The following HTR2C variants were observed in gnomAD, a reference collection of about 807,000 sequenced individuals.
HTR2C encodes 5-hydroxytryptamine (serotonin) receptor 2C, G protein-coupled.
Under a neutral mutation model 21.0 loss-of-function variants are expected in HTR2C, and 5 were observed. The observed-to-expected ratio is 0.24, with a 90% CI of 0.12 to 0.50. HTR2C has a LOEUF of 0.50. Ranked by LOEUF, HTR2C falls within the 20% of genes least tolerant of loss-of-function variation. The pLI is 0.98. For synonymous variants in HTR2C, 150 were observed against 145.3 expected, an observed-to-expected ratio of 1.03 and a Z score of -0.23; for missense variants, 271 against 371.2, an observed-to-expected ratio of 0.73 and a Z score of 2.22.
chrX:114,825,969 G>A (rs782061564), intron 4 of HTR2C, among the ~76,000 whole-genome samples: 1 of 111,187 alleles, frequency 9.0e-6, no homozygotes, highest in Admixed American at 9.6e-5. Context: ...AAAAATTCTA[G>A]CATTTGTTTA....
At chrX:114,721,959 C>G (rs1305667897) in intron 2 of HTR2C, among the ~76,000 whole-genome samples, 1 of 107,112 alleles carries the variant, frequency 9.3e-6, no homozygotes, top group Non-Finnish European at 1.9e-5. Context: ...TGTGATGCCT[C>G]CAGCTTTGTT....
chrX:114,612,699 G>T (rs2147804754), intron 1 of HTR2C, among the ~76,000 whole-genome samples: 1 of 111,486 alleles, frequency 9.0e-6, no homozygotes, highest in South Asian at 3.8e-4. Flanking sequence ...GATTCATTTA[G>T]AATTCTTAAC....
chrX:114,669,618 C>T lies in HTR2C; in HGVS notation c.-80+55737C>T, dbSNP rs181286197. ...GCTGAGGCAGGAAAATCACTTGGAC[C>T]AGGGAGTCCGAGGTTGCAGTGAGCC... On this transcript the variant is annotated intron_variant, in intron 2 of 5. Coordinates refer to ENST00000276198, the MANE Select transcript of HTR2C (RefSeq NM_000868.4). 2.9e-3 allele frequency among the ~76,000 whole-genome samples: 320 copies of T among 111,459 alleles called. 2 individuals carry two copies. The highest frequency in any genetic ancestry group is 1.0e-2 in the African/African-American group (306 of 30,725).
intron 5 of HTR2C, among the ~76,000 whole-genome samples, chrX:114,887,226 T>G (rs1179981694): frequency 1.8e-5 from 2 of 111,583 alleles, no homozygotes; most frequent in Admixed American, 9.5e-5. Flanking sequence ...AGGTATTTTT[T>G]TGTGTGAAGT....
chrX:114,653,417 T>C (rs191931839), intron 2 of HTR2C, among the ~76,000 whole-genome samples: 2 of 110,603 alleles, frequency 1.8e-5, no homozygotes, highest in Admixed American at 1.9e-4. Flanking sequence ...TGAGGAGTAG[T>C]TGGTATCAGG....
intron 2 of HTR2C, among the ~76,000 whole-genome samples, chrX:114,686,858 ATAAAT>A (rs781909170): frequency 7.6e-4 from 85 of 111,535 alleles, no homozygotes; most frequent in African/African-American, 2.5e-3. Context: ...TAAGAACAAA[ATAAAT>A]TAAATAATAC....
chrX:114,677,531 A>G (rs1556412951), intron 2 of HTR2C, among the ~76,000 whole-genome samples: 2 of 111,701 alleles, frequency 1.8e-5, no homozygotes, highest in Non-Finnish European at 3.8e-5. Context: ...CCACGGTACA[A>G]TGAAACAGTA....
chrX:114,791,257 G>A (rs782179966), intron 4 of HTR2C, among the ~76,000 whole-genome samples: 4 of 112,278 alleles, frequency 3.6e-5, no homozygotes, highest in Non-Finnish European at 5.6e-5. Context: ...GTTCTGGTAC[G>A]TTAATCTGAA....
chrX:114,875,649 G>A (rs1270145980), intron 5 of HTR2C, among the ~76,000 whole-genome samples: 2 of 110,760 alleles, frequency 1.8e-5, no homozygotes, highest in African/African-American at 6.5e-5. Flanking sequence ...GTTTATTGAA[G>A]AGAGAACCCT....
At chrX:114,657,439 C>T (rs1930822828) in intron 2 of HTR2C, among the ~76,000 whole-genome samples, 1 of 110,811 alleles carries the variant, frequency 9.0e-6, no homozygotes, top group African/African-American at 3.3e-5. Context: ...TGAAAATTTT[C>T]CTCTTTATAA....
chrX:114,588,254 C>A (rs1421891690), intron 1 of HTR2C, among the ~76,000 whole-genome samples: 4 of 112,016 alleles, frequency 3.6e-5, no homozygotes. Flanking sequence ...AAATTAGTAG[C>A]CTTCATGGTT....
chrX:114,690,396 GAAACTA>G (rs1932070887), intron 2 of HTR2C, among the ~76,000 whole-genome samples: 1 of 111,456 alleles, frequency 9.0e-6, no homozygotes, highest in Non-Finnish European at 1.9e-5. Flanking sequence ...CTTTTGAAAA[GAAACTA>G]AAACTAACAC....
chrX:114,848,067 A>G lies in HTR2C; in HGVS notation c.414A>G (p.Ser138=). 2 of 1,209,803 alleles carry G rather than the reference A, an allele frequency of 1.7e-6. No individual in the cohort carries two copies. The highest frequency in any genetic ancestry group is 2.2e-6 in the Non-Finnish European group (2 of 893,684). The change falls in exon 5 of 6, where the codon TCA becomes TCG. Residue 138 remains serine (S), a synonymous_variant. Transcript: ENST00000276198. ...PVWISLDVLF[S]TASIMHLCAI... Reference sequence around the variant, plus strand: ...GGATTTCTTTAGATGTTTTATTTTCAACAGCGTCCATCATGCACCTCTGCG... The same window carrying G: ...GGATTTCTTTAGATGTTTTATTTTCGACAGCGTCCATCATGCACCTCTGCG...
chrX:114,886,115 T>C (rs2071218518), intron 5 of HTR2C, among the ~76,000 whole-genome samples: 1 of 111,494 alleles, frequency 9.0e-6, no homozygotes. Flanking sequence ...TTGTCTTTAG[T>C]AAATTTTTGT....
Position 114,906,941 on chromosome X carries a change from G to A in HTR2C, c.903G>A (p.Gln301=). Residue 301 remains glutamine, a synonymous_variant, in exon 6 of 6, where the codon CAG becomes CAA. Transcript: ENST00000276198. ...KKERRPRGTM[Q]AINNERKASK... ...AGAGACGTCCTAGGGGCACCATGCA[G>A]GCTATCAACAATGAAAGAAAAGCTT... The A allele has an allele frequency of 8.3e-7, 1 of 1,211,072 alleles. No individual in the cohort carries two copies. The highest frequency in any genetic ancestry group is 1.1e-6 in the Non-Finnish European group (1 of 895,026).
chrX:114,669,805 T>C (rs1931304787), intron 2 of HTR2C, among the ~76,000 whole-genome samples: 1 of 112,838 alleles, frequency 8.9e-6, no homozygotes, highest in Non-Finnish European at 1.9e-5. Context: ...TCCAGCATTA[T>C]TCTAAGAGTA....
intron 1 of HTR2C, among the ~76,000 whole-genome samples, 188 bp downstream of exon 1, chrX:114,584,847 G>A (rs928710588): frequency 1.8e-5 from 2 of 109,738 alleles, no homozygotes; most frequent in Non-Finnish European, 3.8e-5. Flanking sequence ...AAGAAGAGAG[G>A]AGCTTAGGTT....
intron 2 of HTR2C, among the ~76,000 whole-genome samples, chrX:114,644,124 C>T (rs1930241064): frequency 9.3e-6 from 1 of 107,575 alleles, no homozygotes; most frequent in African/African-American, 3.4e-5. Flanking sequence ...AGGCGGGTCA[C>T]TTGAGGTCAG....
At chrX:114,902,826 G>A (rs1271506649) in intron 5 of HTR2C, among the ~76,000 whole-genome samples, 1 of 110,747 alleles carries the variant, frequency 9.0e-6, no homozygotes, top group South Asian at 3.9e-4. Context: ...GGCCAGGCTG[G>A]TCTTGAACTC....
Sources: gnomAD v4.1 joint callset for allele counts (sites outside exome capture counted in the v4.1 genomes callset) on GRCh38, gnomAD v4.1.1 for gene constraint, MANE v1.5 for transcripts, NCBI Gene and HGNC (gene_info 2026-07-23, HGNC 2026-07-21) for gene names.